The following MTMR3 variants were observed in gnomAD, a reference collection of about 807,000 sequenced individuals.
MTMR3 encodes myotubularin related protein 3, also known as phosphatidylinositol-3,5-bisphosphate 3-phosphatase MTMR3.
A neutral mutation model predicts 132.4 loss-of-function variants in MTMR3; 32 were observed. The observed-to-expected ratio is 0.24, with a 90% CI of 0.18 to 0.32. The LOEUF (loss-of-function observed/expected upper bound fraction) is 0.32. Ranked by LOEUF, MTMR3 falls within the 10% of genes least tolerant of loss-of-function variation. The pLI is 1.00. For synonymous variants in MTMR3, 556 were observed against 550.3 expected, an observed-to-expected ratio of 1.01 and a Z score of -0.14; for missense variants, 1,216 against 1,489.6, an observed-to-expected ratio of 0.82 and a Z score of 3.02.
rs752898355 is a variant in MTMR3 at position 30,020,522 on chromosome 22, AATGGGCATTGCG to A, written c.2864_2875del (p.Asn955_Ala959delinsThr). The A allele has an allele frequency of 6.2e-7, 1 of 1,614,184 alleles. No homozygotes were observed. The highest frequency in any genetic ancestry group is 1.1e-5 in the South Asian group (1 of 91,086). ...CACCCTCCAGATGTACCCCACACCC[AATGGGCATTGCG>A]CCAATGGGGAGGCTGGTAGGAGCAA... On this transcript the variant is annotated inframe_deletion, in exon 17 of 20. Transcript: ENST00000401950.
chr22:29,918,570 A>G (rs868495929), intron 1 of MTMR3, among the ~76,000 whole-genome samples: 1 of 152,152 alleles, frequency 6.6e-6, no homozygotes, highest in East Asian at 1.9e-4. Context: ...GGCTCTGTAG[A>G]TGTAGTGGTG....
chr22:29,978,782 T>G (rs1215031317), intron 4 of MTMR3, among the ~76,000 whole-genome samples, 154 bp from the exon 5 acceptor site: 2 of 152,186 alleles, frequency 1.3e-5, no homozygotes, highest in Non-Finnish European at 2.9e-5. Context: ...ATTAGGTGGG[T>G]ATAAACCCAT....
chr22:29,917,010 C>T (rs921078912), intron 1 of MTMR3, among the ~76,000 whole-genome samples: 3 of 152,172 alleles, frequency 2.0e-5, no homozygotes, highest in African/African-American at 7.2e-5. Context: ...TCTTGTTCTA[C>T]AATATCCCAA....
At chr22:29,982,806 A>G (rs890926681) in intron 5 of MTMR3, 1 of 152,206 alleles carries the variant, frequency 6.6e-6, no homozygotes, top group African/African-American at 2.4e-5. Flanking sequence ...TATGTGTAGC[A>G]TTTAAGGTAT....
At chr22:29,918,481 G>A (rs889789319) in intron 1 of MTMR3, among the ~76,000 whole-genome samples, 11 of 152,042 alleles carry the variant, frequency 7.2e-5, no homozygotes, top group Non-Finnish European at 1.0e-4. Context: ...TATATTTGCC[G>A]TTTTCCTTTG....
chr22:30,013,303 T>C, intron 13 of MTMR3, 53 bp from the exon 14 acceptor site: 1 of 1,584,122 alleles, frequency 6.3e-7, no homozygotes, highest in South Asian at 1.1e-5. Context: ...CTTAGGACTG[T>C]CACAGTCTGG....
intron 18 of MTMR3, chr22:30,022,405 G>C (rs960133186): frequency 3.2e-6 from 2 of 616,900 alleles, no homozygotes; most frequent in African/African-American, 3.7e-5. Context: ...GCTGCTGCCT[G>C]CTACTTTATC....
chr22:29,907,269 G>A lies in MTMR3; in HGVS notation c.-138+23910G>A, dbSNP rs191426987. 3.4e-3 allele frequency among the ~76,000 whole-genome samples: 518 copies of A among 151,916 alleles called. 1 individual carries two copies. Among genetic ancestry groups the A allele is most frequent in the African/African-American group, 0.011 (472 of 41,334 alleles). On this transcript the variant is annotated intron_variant, in intron 1 of 19. Transcript: ENST00000401950. ...TACAAAAAATTAGCCGGGCGTCGTC[G>A]TGGGCGCCTGTAGTCCCAGCTACTT... is the stretch of plus-strand genomic sequence containing the variant.
At chr22:29,991,922 G>T (rs900004906) in intron 7 of MTMR3, 3 of 312,506 alleles carry the variant, frequency 9.6e-6, no homozygotes, top group Non-Finnish European at 1.7e-5. Context: ...AAGGTTTTAT[G>T]AATAGTATGG....
intron 1 of MTMR3, among the ~76,000 whole-genome samples, chr22:29,922,890 GTTT>G (rs1244646272): frequency 1.5e-5 from 2 of 134,614 alleles, no homozygotes; most frequent in Non-Finnish European, 3.2e-5. Flanking sequence ...AGTGACTAGT[GTTT>G]TTTTTTTTTT....
chr22:29,886,142 T>G (rs2064672578), intron 1 of MTMR3, among the ~76,000 whole-genome samples: 1 of 152,170 alleles, frequency 6.6e-6, no homozygotes, highest in Non-Finnish European at 1.5e-5. Context: ...AAAGAACAGT[T>G]ATGGTGGTTT....
At chr22:29,942,340 G>A (rs529118774) in intron 1 of MTMR3, among the ~76,000 whole-genome samples, 125 of 152,248 alleles carry the variant, frequency 8.2e-4, no homozygotes, top group Non-Finnish European at 1.5e-3. Flanking sequence ...TGCTTCATTT[G>A]CTTCACAAGG....
chr22:29,991,433 A>G (rs2145909440), intron 6 of MTMR3, 71 bp from the exon 7 acceptor site: 1 of 1,476,626 alleles, frequency 6.8e-7, no homozygotes, highest in South Asian at 1.4e-5. Context: ...CATTCTTGAA[A>G]TAATGGCTTT....
At chr22:30,012,663 A>G (rs1290543796) in intron 13 of MTMR3, 100 bp downstream of exon 13, 3 of 1,294,174 alleles carry the variant, frequency 2.3e-6, no homozygotes, top group Non-Finnish European at 3.2e-6. Context: ...GGTTAAAGAA[A>G]GTGAAATTTC....
At chr22:29,973,745 G>A (rs537264189) in intron 3 of MTMR3, among the ~76,000 whole-genome samples, 4 of 152,194 alleles carry the variant, frequency 2.6e-5, no homozygotes, top group East Asian at 1.9e-4. Flanking sequence ...GATTACAGGC[G>A]CTTGCCACCA....
chr22:30,019,609 G>T lies in MTMR3; in HGVS notation c.1950G>T (p.Leu650=). ...KWQEHRRSLE[L]SSLAGPGEDP... Reference sequence around the variant, plus strand: ...AGGAGCACCGGCGCTCACTAGAGCTGAGCAGCCTGGCTGGCCCTGGAGAGG... The same window carrying T: ...AGGAGCACCGGCGCTCACTAGAGCTTAGCAGCCTGGCTGGCCCTGGAGAGG... The change falls in exon 17 of 20, where the codon CTG becomes CTT. Residue 650 remains leucine (L), a synonymous_variant. Coordinates refer to ENST00000401950, the MANE Select transcript of MTMR3 (RefSeq NM_021090.4). 1.2e-6 allele frequency: 2 copies of T among 1,614,146 alleles called. No individual in the cohort carries two copies. The highest frequency in any genetic ancestry group is 2.7e-5 in the African/African-American group (2 of 75,066).
At chr22:29,971,208 C>A (rs1009234070) in intron 3 of MTMR3, 146 bp downstream of exon 3, 26 of 839,368 alleles carry the variant, frequency 3.1e-5, no homozygotes, top group Non-Finnish European at 4.6e-5. Flanking sequence ...TGTGTCTTTT[C>A]TTTTCTTGTT....
At chr22:29,968,040 G>A (rs1010237393) in intron 2 of MTMR3, among the ~76,000 whole-genome samples, 2 of 151,838 alleles carry the variant, frequency 1.3e-5, no homozygotes, top group African/African-American at 4.8e-5. Context: ...CATGAATAAT[G>A]CTGTTACGAA....
In MTMR3 at chr22:29,896,412, C is replaced by T. The variant is rs112315160; in HGVS notation, c.-138+13053C>T. Among the ~76,000 whole-genome samples the T allele has an allele frequency of 5.5e-3, 836 of 152,282 alleles. 4 individuals carry two copies. Among genetic ancestry groups the T allele is most frequent in the Non-Finnish European group, 9.0e-3 (610 of 68,020 alleles). ...GACATTGAGTTCTTCGGCAATTTCTCGTGTAGTTGTAAGAGGATCAGCTTC... is the reference window on the plus strand; with the variant it reads ...GACATTGAGTTCTTCGGCAATTTCTTGTGTAGTTGTAAGAGGATCAGCTTC... On this transcript the variant is annotated intron_variant, in intron 1 of 19. Coordinates refer to ENST00000401950, the MANE Select transcript of MTMR3 (RefSeq NM_021090.4).
Sources: allele counts gnomAD v4.1 joint callset (sites outside exome capture counted in the v4.1 genomes callset), GRCh38; gene constraint gnomAD v4.1.1; transcripts MANE v1.5; gene names NCBI Gene and HGNC (gene_info 2026-07-23, HGNC 2026-07-21).